Variants in DYSF observed in about 807,000 individuals in gnomAD.
The protein encoded by DYSF is dysferlin, also known as dystrophy-associated fer-1-like 1.
DYSF carries 212 observed loss-of-function variants against 274.9 expected under a neutral mutation model. That is an observed-to-expected ratio of 0.77 (90% CI 0.69 to 0.86). DYSF has a LOEUF of 0.86. Ranked by LOEUF, DYSF falls within the 40% of genes least tolerant of loss-of-function variation. The pLI, the probability that DYSF is intolerant of heterozygous loss-of-function variation, is 0.00. For missense variants in DYSF, 2,666 were observed against 2,783.2 expected (o/e 0.96, Z 0.95); for synonymous variants, 1,091 against 1,078.7 (o/e 1.01, Z -0.22).
chr2:71,512,814 G>A (rs1290962589), intron 5 of DYSF, among the ~76,000 whole-genome samples: 3 of 152,204 alleles, frequency 2.0e-5, no homozygotes. Flanking sequence ...GGGCTCTGTG[G>A]TGAGGTCGGC....
intron 28 of DYSF, 28 bp downstream of exon 28, chr2:71,570,362 C>G (rs765999083): frequency 1.2e-5 from 20 of 1,606,612 alleles, no homozygotes; most frequent in Non-Finnish European, 1.2e-5. Flanking sequence ...CCTGGCGAGC[C>G]CCATCCCCGG....
chr2:71,592,153 G>T lies in DYSF; in HGVS notation c.3574+1865G>T, dbSNP rs185300130. Among the ~76,000 whole-genome samples the T allele has an allele frequency of 1.4e-3, 216 of 152,310 alleles. 2 individuals carry two copies. The highest frequency in any genetic ancestry group is 4.9e-3 in the African/African-American group (202 of 41,560). ...TTGTGAGAGGGGGATGGCCAGGGGG[G>T]GCCCAGGCAGAAGCCCCCTTGTCCT... On this transcript the variant is annotated intron_variant, in intron 32 of 55. Coordinates refer to ENST00000410020, the MANE Select transcript of DYSF (RefSeq NM_001130987.2).
rs548822150 is a variant in DYSF, at chr2:71,497,723, AAG to A, written c.240-5486_240-5485del. ...ATGAGATGAAGATGAACTGGGAAAG[AAG>A]AGAGTTTATTTCTGTAATCAGGTAC... On this transcript the variant is annotated intron_variant, in intron 3 of 55. Coordinates refer to ENST00000410020, the MANE Select transcript of DYSF (RefSeq NM_001130987.2). 1.3e-3 allele frequency among the ~76,000 whole-genome samples: 197 copies of A among 152,350 alleles called. 2 individuals carry two copies. The highest frequency in any genetic ancestry group is 4.5e-3 in the African/African-American group (189 of 41,584).
chr2:71,536,131 G>A (rs1051548685), intron 16 of DYSF, among the ~76,000 whole-genome samples: 10 of 152,196 alleles, frequency 6.6e-5, no homozygotes, highest in Non-Finnish European at 1.0e-4. Flanking sequence ...GGGAATATTC[G>A]GGGTCCACAC....
At chr2:71,478,574 A>G (rs2152675444) in intron 1 of DYSF, among the ~76,000 whole-genome samples, 1 of 152,224 alleles carries the variant, frequency 6.6e-6, no homozygotes, top group East Asian at 1.9e-4. Flanking sequence ...CTGCTGCCCC[A>G]AAGAATCACA....
intron 1 of DYSF, among the ~76,000 whole-genome samples, chr2:71,476,768 T>C (rs1275918495): frequency 6.6e-6 from 1 of 151,894 alleles, no homozygotes; most frequent in Admixed American, 6.6e-5. Context: ...AAAATGATGA[T>C]TGTCTCCAGG....
chr2:71,626,275 C>A (rs75713612), intron 41 of DYSF, among the ~76,000 whole-genome samples: 6,573 of 150,794 alleles, frequency 0.044, 181 homozygotes, highest in Middle Eastern at 0.096. Context: ...ATCAGGTGAA[C>A]CTAGTTACCT....
intron 17 of DYSF, among the ~76,000 whole-genome samples, chr2:71,542,581 G>C (rs1388769912): frequency 1.3e-5 from 2 of 152,048 alleles, no homozygotes; most frequent in East Asian, 3.9e-4. Context: ...GACTCTTATG[G>C]AGCATGCTGC....
At chr2:71,652,861 A>G (rs113236709) in intron 42 of DYSF, among the ~76,000 whole-genome samples, 199 of 152,360 alleles carry the variant, frequency 1.3e-3, no homozygotes, top group African/African-American at 4.4e-3. Flanking sequence ...CATATGACAC[A>G]AGTCATGGGA....
rs1553548257 is a variant in DYSF at position 71,560,421 on chromosome 2, C to CAGCACAGGGCTCCGGCCCAGGCCCCCCCG, written c.2217-1331_2217-1330insAGCACAGGGCTCCGGCCCAGGCCCCCCCG. 1.3e-4 allele frequency among the ~76,000 whole-genome samples: 20 copies of CAGCACAGGGCTCCGGCCCAGGCCCCCCCG among 151,630 alleles called. 1 individual carries two copies. Among genetic ancestry groups the CAGCACAGGGCTCCGGCCCAGGCCCCCCCG allele is most frequent in the African/African-American group, 3.6e-4 (15 of 41,120 alleles). ...TCAGGCCTGGTTCCCAGGCAGGCCC[C>CAGCACAGGGCTCCGGCCCAGGCCCCCCCG]CGCCCCGCTACCCACCGAGCATGCC... is the stretch of plus-strand genomic sequence containing the variant. On this transcript the variant is annotated intron_variant, in intron 22 of 55. Transcript: ENST00000410020.
chr2:71,685,046 AC>A (rs1431423716), intron 55 of DYSF, among the ~76,000 whole-genome samples: 1 of 152,140 alleles, frequency 6.6e-6, no homozygotes, highest in African/African-American at 2.4e-5. Context: ...TGCCAGCTGC[AC>A]CCTGCACTGC....
chr2:71,537,624 A>G (rs1469476172), intron 16 of DYSF, among the ~76,000 whole-genome samples: 1 of 152,214 alleles, frequency 6.6e-6, no homozygotes, highest in African/African-American at 2.4e-5. Context: ...TTCCTAATGT[A>G]GTGCCGGCGA....
chr2:71,670,352 G>A (rs545462018), intron 51 of DYSF, among the ~76,000 whole-genome samples: 87 of 152,374 alleles, frequency 5.7e-4, no homozygotes, highest in Non-Finnish European at 1.0e-3. Flanking sequence ...CTTCAAAAGG[G>A]CAGTGGGGCA....
At chr2:71,571,811 C>A (rs1447723331) in intron 29 of DYSF, among the ~76,000 whole-genome samples, 1 of 144,130 alleles carries the variant, frequency 6.9e-6, no homozygotes, top group Non-Finnish European at 1.5e-5. Flanking sequence ...ACAGCTCACA[C>A]CCAGCACACA....
chr2:71,537,141 TA>T (rs758910003), intron 16 of DYSF, among the ~76,000 whole-genome samples: 2 of 151,134 alleles, frequency 1.3e-5, no homozygotes, highest in Non-Finnish European at 2.9e-5. Context: ...GAAGACTGGG[TA>T]CAAATGCCAT....
At chr2:71,574,834 C>G (rs1379586175) in intron 30 of DYSF, among the ~76,000 whole-genome samples, 1 of 152,166 alleles carries the variant, frequency 6.6e-6, no homozygotes, top group African/African-American at 2.4e-5. Context: ...AGAAGCTGAG[C>G]CCCAGGATGA....
intron 3 of DYSF, among the ~76,000 whole-genome samples, chr2:71,490,421 C>A (rs1213673694): frequency 1.3e-5 from 2 of 152,256 alleles, no homozygotes; most frequent in South Asian, 2.1e-4. Context: ...CTCACTGCAA[C>A]CTCCGCCTCC....
chr2:71,459,121 AT>A (rs568337761), intron 1 of DYSF, among the ~76,000 whole-genome samples: 92 of 152,326 alleles, frequency 6.0e-4, no homozygotes, highest in African/African-American at 1.9e-3. Context: ...AGAAGGCCTC[AT>A]CTATACTTCC....
chr2:71,597,195 C>T (rs2093426791), intron 32 of DYSF, among the ~76,000 whole-genome samples: 2 of 152,198 alleles, frequency 1.3e-5, no homozygotes, highest in Non-Finnish European at 2.9e-5. Flanking sequence ...AGGCCATTAC[C>T]TCTGAGGCCA....
Sources: allele counts gnomAD v4.1 joint callset (sites outside exome capture counted in the v4.1 genomes callset), GRCh38; gene constraint gnomAD v4.1.1; transcripts MANE v1.5; gene names NCBI Gene and HGNC (gene_info 2026-07-23, HGNC 2026-07-21).